The following TBC1D14 variants were observed in gnomAD, a reference collection of about 807,000 sequenced individuals.
The protein encoded by TBC1D14 is TBC1 domain family, member 14.
TBC1D14 carries 26 observed loss-of-function variants against 79.0 expected under a neutral mutation model. That is an observed-to-expected ratio of 0.33 (90% CI 0.24 to 0.46). The LOEUF (loss-of-function observed/expected upper bound fraction) is 0.46. Ranked by LOEUF, TBC1D14 falls within the 20% of genes least tolerant of loss-of-function variation. The pLI is 1.00. For missense variants in TBC1D14, 769 were observed against 887.6 expected, an observed-to-expected ratio of 0.87 and a Z score of 1.70; for synonymous variants, 394 against 349.9, an observed-to-expected ratio of 1.13 and a Z score of -1.40.
At chr4:6,917,621 T>A (rs1182050968) in intron 1 of TBC1D14, among the ~76,000 whole-genome samples, 1 of 151,990 alleles carries the variant, frequency 6.6e-6, no homozygotes, top group African/African-American at 2.4e-5. Context: ...TGGGGGTGAC[T>A]GCACAAGGCT....
chr4:7,018,381 C>T (rs2109288501), intron 12 of TBC1D14, among the ~76,000 whole-genome samples: 1 of 152,222 alleles, frequency 6.6e-6, no homozygotes, highest in East Asian at 1.9e-4. Flanking sequence ...CACTTTGGGT[C>T]AGAAAAATCT....
chr4:6,962,485 C>G (rs1049863840), intron 2 of TBC1D14, among the ~76,000 whole-genome samples: 1 of 152,134 alleles, frequency 6.6e-6, no homozygotes, highest in Non-Finnish European at 1.5e-5. Context: ...AGCTTGGAGG[C>G]CAACAGCTGC....
chr4:6,980,987 T>C (rs1192012527), intron 3 of TBC1D14, among the ~76,000 whole-genome samples: 5 of 151,254 alleles, frequency 3.3e-5, no homozygotes, highest in Non-Finnish European at 7.4e-5. Flanking sequence ...AGTGCTGGGA[T>C]TACAGGCGTG....
At chr4:6,923,256 G>A in intron 1 of TBC1D14, 117 bp from the exon 2 acceptor site, 1 of 1,226,224 alleles carries the variant, frequency 8.2e-7, no homozygotes, top group Non-Finnish European at 1.1e-6. Flanking sequence ...TGGGTATGTG[G>A]AACCTTTTCA....
intron 1 of TBC1D14, among the ~76,000 whole-genome samples, chr4:6,914,819 A>G (rs1241965091): frequency 6.6e-6 from 1 of 152,148 alleles, no homozygotes; most frequent in Non-Finnish European, 1.5e-5. Context: ...GCAGGCGATC[A>G]CTTGAGGTCA....
chr4:6,955,866 C>T (rs1015463964), intron 2 of TBC1D14, among the ~76,000 whole-genome samples: 4 of 152,118 alleles, frequency 2.6e-5, no homozygotes, highest in Non-Finnish European at 5.9e-5. Flanking sequence ...GCCTCGGACA[C>T]GTAAGTCCGA....
chr4:6,984,873 C>T (rs1262690927), intron 3 of TBC1D14, among the ~76,000 whole-genome samples: 2 of 152,230 alleles, frequency 1.3e-5, no homozygotes, highest in Non-Finnish European at 2.9e-5. Flanking sequence ...TTCTGGCTGA[C>T]CTTGGACTCG....
chr4:6,994,130 G>C, intron 3 of TBC1D14, 54 bp from the exon 4 acceptor site: 3 of 1,430,432 alleles, frequency 2.1e-6, no homozygotes, highest in Non-Finnish European at 3.0e-6. Context: ...ACTTTCCGAA[G>C]GACTTCATCC....
chr4:6,931,792 G>A (rs1711768912), intron 2 of TBC1D14, among the ~76,000 whole-genome samples: 1 of 152,044 alleles, frequency 6.6e-6, no homozygotes, highest in African/African-American at 2.4e-5. Context: ...AAAATTGACT[G>A]AGCACCTGCC....
Position 6,988,865 on chromosome 4 carries a change from T to TTTTC in TBC1D14, c.844-5299_844-5296dup, listed in dbSNP as rs1187016735. 2.7e-3 allele frequency among the ~76,000 whole-genome samples: 392 copies of TTTTC among 143,258 alleles called. 4 individuals are homozygous for TTTTC. The highest frequency in any genetic ancestry group is 3.9e-3 in the African/African-American group (149 of 38,056). 94.0% of individuals were successfully genotyped at this position (143,258 alleles called of 152,430 possible). Reference sequence around the variant, plus strand: ...GTCTTTCTACCAGGAGTACTTTCTTTTTTCTTTCTTTCTTTCTTTCTTTTT... The same window carrying TTTTC: ...GTCTTTCTACCAGGAGTACTTTCTTTTTTCTTTCTTTCTTTCTTTCTTTCTTTTT... On this transcript the variant is annotated intron_variant, in intron 3 of 13. Transcript: ENST00000409757.
chr4:6,978,228 G>T (rs562574515), intron 3 of TBC1D14, among the ~76,000 whole-genome samples: 4 of 151,398 alleles, frequency 2.6e-5, no homozygotes, highest in African/African-American at 9.8e-5. Flanking sequence ...CCACCACCCC[G>T]TCTGGGAGGT....
At chr4:6,913,487 G>C (rs1360989091) in intron 1 of TBC1D14, among the ~76,000 whole-genome samples, 1 of 152,206 alleles carries the variant, frequency 6.6e-6, no homozygotes, top group Non-Finnish European at 1.5e-5. Context: ...CCATGTATGA[G>C]CTTTGATGTC....
At chr4:7,027,737 TCACA>T (rs1257222908) in intron 13 of TBC1D14, among the ~76,000 whole-genome samples, 1 of 71,088 alleles carries the variant, frequency 1.4e-5, no homozygotes, top group Non-Finnish European at 2.6e-5. Flanking sequence ...CCCCCACACA[TCACA>T]CACCCACATA....
chr4:6,996,551 A>T, intron 5 of TBC1D14, 144 bp downstream of exon 5: 3 of 628,012 alleles, frequency 4.8e-6, no homozygotes, highest in Non-Finnish European at 8.2e-6. Flanking sequence ...AAAAAAAAAG[A>T]TGCATGCGGA....
chr4:6,962,972 G>C (rs1715364139), intron 2 of TBC1D14, among the ~76,000 whole-genome samples: 1 of 152,184 alleles, frequency 6.6e-6, no homozygotes, highest in African/African-American at 2.4e-5. Context: ...GTAGATCCTG[G>C]GGATGCAGAG....
At chr4:6,953,307 G>A (rs556276881) in intron 2 of TBC1D14, among the ~76,000 whole-genome samples, 1 of 136,574 alleles carries the variant, frequency 7.3e-6, no homozygotes, top group East Asian at 2.6e-4. Context: ...ACAGGCGTGA[G>A]CCACCACGCC....
intron 3 of TBC1D14, among the ~76,000 whole-genome samples, chr4:6,988,294 C>G (rs1718092121): frequency 6.6e-6 from 1 of 152,256 alleles, no homozygotes; most frequent in Admixed American, 6.5e-5. Context: ...AGAGTAATTT[C>G]ATAGTATATA....
At chr4:6,917,247 G>A (rs980935952) in intron 1 of TBC1D14, among the ~76,000 whole-genome samples, 2 of 152,218 alleles carry the variant, frequency 1.3e-5, no homozygotes, top group Admixed American at 6.5e-5. Flanking sequence ...TTAATTCAGC[G>A]AGTAGATTTT....
intron 2 of TBC1D14, among the ~76,000 whole-genome samples, chr4:6,930,196 T>A (rs1024091333): frequency 6.6e-6 from 1 of 152,214 alleles, no homozygotes; most frequent in African/African-American, 2.4e-5. Context: ...GTCCGGGCAC[T>A]GAAGCTCCTT....
Sources: gnomAD v4.1 joint callset for allele counts (sites outside exome capture counted in the v4.1 genomes callset) on GRCh38, gnomAD v4.1.1 for gene constraint, MANE v1.5 for transcripts, NCBI Gene and HGNC (gene_info 2026-07-23, HGNC 2026-07-21) for gene names.